The following ELOVL6 variants were observed in gnomAD, a reference collection of about 807,000 sequenced individuals.
ELOVL6 encodes the protein ELOVL fatty acid elongase 6.
ELOVL6 carries 8 observed loss-of-function variants against 31.7 expected under a neutral mutation model. The observed-to-expected ratio is 0.25, with a 90% CI of 0.15 to 0.45. The LOEUF (loss-of-function observed/expected upper bound fraction) is 0.45, where lower values mean the gene tolerates loss of function less well. ELOVL6 is among the 20% of genes least tolerant of loss of function. ELOVL6 has a pLI of 1.00. For synonymous variants in ELOVL6, 101 were observed against 117.7 expected, an observed-to-expected ratio of 0.86 and a Z score of 0.92; for missense variants, 126 against 326.4, an observed-to-expected ratio of 0.39 and a Z score of 4.73.
intron 1 of ELOVL6, among the ~76,000 whole-genome samples, chr4:110,142,066 CTTTT>C (rs34800709): frequency 1.3e-5 from 1 of 74,346 alleles, no homozygotes; most frequent in Admixed American, 1.8e-4. Flanking sequence ...CCCTTACTAA[CTTTT>C]TTTTTTTTTT....
At chr4:110,128,000 G>T (rs903404774) in intron 1 of ELOVL6, among the ~76,000 whole-genome samples, 9 of 150,430 alleles carry the variant, frequency 6.0e-5, no homozygotes, top group African/African-American at 2.2e-4. Flanking sequence ...TGGAGCCCAG[G>T]AGTTCAAGAC....
chr4:110,154,927 C>T, intron 1 of ELOVL6, among the ~76,000 whole-genome samples: 1 of 152,286 alleles, frequency 6.6e-6, no homozygotes, highest in East Asian at 1.9e-4. Flanking sequence ...CTGAGTCCAA[C>T]TTTTACTTTT....
intron 2 of ELOVL6, among the ~76,000 whole-genome samples, chr4:110,095,764 A>C (rs1299070619): frequency 1.3e-5 from 2 of 152,088 alleles, no homozygotes; most frequent in East Asian, 3.9e-4. Flanking sequence ...TGCAAAACTG[A>C]AGATGTGAAC....
intron 1 of ELOVL6, among the ~76,000 whole-genome samples, chr4:110,143,086 T>C (rs778332933): frequency 1.3e-5 from 2 of 152,140 alleles, no homozygotes; most frequent in Non-Finnish European, 2.9e-5. Flanking sequence ...TGACTTATAA[T>C]TTCTTAGAAA....
chr4:110,196,309 G>A (rs780074374), intron 1 of ELOVL6, among the ~76,000 whole-genome samples: 2 of 152,224 alleles, frequency 1.3e-5, no homozygotes, highest in Non-Finnish European at 2.9e-5. Flanking sequence ...GGCTAATGCG[G>A]GAGGACTGTG....
At chr4:110,109,451 GTCA>G (rs146956255) in intron 1 of ELOVL6, among the ~76,000 whole-genome samples, 256 of 152,128 alleles carry the variant, frequency 1.7e-3, no homozygotes, top group African/African-American at 6.0e-3. Context: ...TTCTATTTCT[GTCA>G]TCAAGATGAA....
intron 1 of ELOVL6, among the ~76,000 whole-genome samples, chr4:110,137,816 G>T (rs1474789839): frequency 6.6e-6 from 1 of 152,068 alleles, no homozygotes; most frequent in African/African-American, 2.4e-5. Context: ...AGCTTCATGG[G>T]CTCCCACTTT....
intron 2 of ELOVL6, among the ~76,000 whole-genome samples, chr4:110,084,559 C>T (rs1214508214): frequency 0.081 from 4,496 of 55,472 alleles, 395 homozygotes; most frequent in African/African-American, 0.29. Flanking sequence ...CACACACACA[C>T]ACAGATATAT....
At chr4:110,085,385 A>C (rs1314351853) in intron 2 of ELOVL6, among the ~76,000 whole-genome samples, 1 of 152,236 alleles carries the variant, frequency 6.6e-6, no homozygotes, top group Non-Finnish European at 1.5e-5. Flanking sequence ...CATCCAGTTA[A>C]TAGTCCACAG....
At chr4:110,141,323 A>G (rs551606259) in intron 1 of ELOVL6, among the ~76,000 whole-genome samples, 2 of 152,232 alleles carry the variant, frequency 1.3e-5, no homozygotes, top group South Asian at 2.1e-4. Flanking sequence ...TTGGCCTCCT[A>G]AAGTGCTGGG....
chr4:110,081,881 T>A (rs1186501137), intron 2 of ELOVL6, among the ~76,000 whole-genome samples: 2 of 149,766 alleles, frequency 1.3e-5, no homozygotes, highest in Non-Finnish European at 3.0e-5. Context: ...TACAAAGAAC[T>A]CAAACAAATT....
chr4:110,082,804 C>T (rs1470597596), intron 2 of ELOVL6, among the ~76,000 whole-genome samples: 1 of 152,226 alleles, frequency 6.6e-6, no homozygotes, highest in African/African-American at 2.4e-5. Context: ...TCTCACAGCG[C>T]ATCCCTGTCA....
At chr4:110,141,123 G>A (rs1306922167) in intron 1 of ELOVL6, among the ~76,000 whole-genome samples, 1 of 152,098 alleles carries the variant, frequency 6.6e-6, no homozygotes, top group Non-Finnish European at 1.5e-5. Context: ...GAGTGCAATG[G>A]CACGATCTCA....
chr4:110,084,975 C>T (rs1407045204), intron 2 of ELOVL6, among the ~76,000 whole-genome samples: 1 of 151,896 alleles, frequency 6.6e-6, no homozygotes, highest in South Asian at 2.1e-4. Context: ...TGACACTAGA[C>T]AATGAGAAGG....
chr4:110,194,842 C>T lies in ELOVL6; in HGVS notation c.89+3405G>A, dbSNP rs192400806. On this transcript the variant is annotated intron_variant, in intron 1 of 3. Transcript: ENST00000302274. The stretch of plus-strand genomic sequence containing the variant: ...ACTCCTGGCCATTCTCACAGTTCTT[C>T]AAAAGCCAATGTAGTTCACTTTTGA... Among the ~76,000 whole-genome samples the T allele has an allele frequency of 1.7e-3, 255 of 152,324 alleles. 3 individuals are homozygous for T. In the Middle Eastern group the frequency reaches 0.02, roughly 12 times the overall value.
At chr4:110,095,519 C>T (rs1172309636) in intron 2 of ELOVL6, among the ~76,000 whole-genome samples, 3 of 147,802 alleles carry the variant, frequency 2.0e-5, no homozygotes, top group Non-Finnish European at 3.0e-5. Flanking sequence ...TAGGAATGGG[C>T]AAGGTGTGTC....
chr4:110,139,553 A>G (rs569914248), intron 1 of ELOVL6, among the ~76,000 whole-genome samples: 71 of 152,286 alleles, frequency 4.7e-4, no homozygotes, highest in Non-Finnish European at 2.9e-4. Context: ...TCTAATATAT[A>G]TCTCCATTTT....
chr4:110,084,577 TATATATATATA>T (rs1560815863), intron 2 of ELOVL6, among the ~76,000 whole-genome samples: 1 of 48,424 alleles, frequency 2.1e-5, no homozygotes, highest in Admixed American at 2.2e-4. Context: ...TATATATATA[TATATATATATA>T]TTTTTTTTTT....
At chr4:110,103,460 TA>T (rs893880786) in intron 2 of ELOVL6, among the ~76,000 whole-genome samples, 26 of 148,940 alleles carry the variant, frequency 1.7e-4, no homozygotes, top group African/African-American at 3.9e-4. Flanking sequence ...CTAACTAACT[TA>T]AAAAAAAAAC....
Sources: gnomAD v4.1 joint callset for allele counts (sites outside exome capture counted in the v4.1 genomes callset) on GRCh38, gnomAD v4.1.1 for gene constraint, MANE v1.5 for transcripts, NCBI Gene and HGNC (gene_info 2026-07-23, HGNC 2026-07-21) for gene names.